Variants in CYP2C19 observed in about 807,000 individuals in gnomAD.
CYP2C19 encodes the protein cytochrome P450 2C19.
In CYP2C19, 59 loss-of-function variants were observed where a neutral mutation model predicts 40.9. That is an observed-to-expected ratio of 1.44 (90% CI 1.17 to 1.79). CYP2C19 has a LOEUF of 1.79. CYP2C19 is among the 40% of genes most tolerant of loss of function. The pLI is 0.00. For synonymous variants in CYP2C19, 253 were observed against 208.7 expected (o/e 1.21, Z -1.83); for missense variants, 754 against 596.9 (o/e 1.26, Z -2.74).
Position 94,781,931 on chromosome 10 carries a change from C to T in CYP2C19, c.753C>T (p.His251=), listed in dbSNP as rs148247410. 3 of 1,509,616 alleles carry T rather than the reference C, an allele frequency of 2.0e-6. No individual in the cohort carries two copies. The highest frequency in any genetic ancestry group is 2.6e-6 in the Non-Finnish European group (3 of 1,140,504). 93.5% of individuals were successfully genotyped at this position (1,509,616 alleles called of 1,614,324 possible). Residue 251 remains histidine, a synonymous_variant, in exon 5 of 9, where the codon CAC becomes CAT. Coordinates refer to ENST00000371321, the MANE Select transcript of CYP2C19 (RefSeq NM_000769.4). ...ESDILEKVKE[H]QESMDINNPR... is the part of the protein sequence containing the mutation. ...ATATTTTGGAGAAAGTAAAAGAACA[C>T]CAAGAATCGATGGACATCAACAACC...
intron 5 of CYP2C19, among the ~76,000 whole-genome samples, chr10:94,786,698 C>T (rs1348320144): frequency 6.6e-6 from 1 of 151,976 alleles, no homozygotes; most frequent in Non-Finnish European, 1.5e-5. Flanking sequence ...ATCTCTCTAC[C>T]ATCTATAGTA....
chr10:94,799,142 G>T (rs1414652294), intron 5 of CYP2C19, among the ~76,000 whole-genome samples: 1 of 151,950 alleles, frequency 6.6e-6, no homozygotes, highest in Non-Finnish European at 1.5e-5. Flanking sequence ...GGCTCGTATG[G>T]TTTGTTCCTT....
chr10:94,774,512 C>T (rs757160135), intron 1 of CYP2C19: 2 of 158,758 alleles, frequency 1.3e-5, no homozygotes, highest in Non-Finnish European at 2.8e-5. Flanking sequence ...CAATCGGGAC[C>T]TCTACATGGG....
intron 3 of CYP2C19, among the ~76,000 whole-genome samples, chr10:94,778,926 T>C (rs1848446365): frequency 6.6e-6 from 1 of 152,148 alleles, no homozygotes; most frequent in Non-Finnish European, 1.5e-5. Context: ...TGGACTACTA[T>C]GCAGCCATTA....
chr10:94,831,924 C>A (rs1432347232), intron 6 of CYP2C19, among the ~76,000 whole-genome samples: 2 of 151,966 alleles, frequency 1.3e-5, no homozygotes, highest in African/African-American at 4.8e-5. Context: ...CCCATTTGTC[C>A]ATGTTTGCTT....
At chr10:94,816,044 A>G (rs946863813) in intron 5 of CYP2C19, among the ~76,000 whole-genome samples, 2 of 152,140 alleles carry the variant, frequency 1.3e-5, no homozygotes, top group Non-Finnish European at 2.9e-5. Context: ...TGTTTTGAGA[A>G]TGAAAGAGGA....
chr10:94,829,522 T>G (rs1400788819), intron 6 of CYP2C19, among the ~76,000 whole-genome samples: 1 of 152,190 alleles, frequency 6.6e-6, no homozygotes, highest in Non-Finnish European at 1.5e-5. Context: ...CTTTAAGCAC[T>G]TCTCTGTATT....
intron 7 of CYP2C19, among the ~76,000 whole-genome samples, chr10:94,845,805 G>C (rs1303804141): frequency 1.3e-5 from 2 of 151,772 alleles, no homozygotes; most frequent in African/African-American, 4.8e-5. Flanking sequence ...CAAAATTGTA[G>C]ACTATTTATA....
At chr10:94,839,233 G>A (rs943722533) in intron 6 of CYP2C19, among the ~76,000 whole-genome samples, 1 of 152,120 alleles carries the variant, frequency 6.6e-6, no homozygotes, top group South Asian at 2.1e-4. Context: ...ACAAAGAAAG[G>A]GGCCCTGGCT....
intron 5 of CYP2C19, 27 bp from the exon 6 acceptor site, chr10:94,820,469 C>G (rs1198452362): frequency 1.2e-6 from 2 of 1,612,380 alleles, no homozygotes; most frequent in Non-Finnish European, 1.7e-6. Context: ...AATAATTTGT[C>G]AGATAATTGC....
chr10:94,848,796 C>T (rs996823015), intron 7 of CYP2C19, among the ~76,000 whole-genome samples: 5 of 152,062 alleles, frequency 3.3e-5, no homozygotes, highest in African/African-American at 1.2e-4. Context: ...CCTTCACGTC[C>T]CTTGTAAGTT....
chr10:94,786,827 T>C (rs1848548609), intron 5 of CYP2C19, among the ~76,000 whole-genome samples: 1 of 152,144 alleles, frequency 6.6e-6, no homozygotes, highest in Non-Finnish European at 1.5e-5. Context: ...TGCATCTATG[T>C]TGCTGCAAAG....
intron 5 of CYP2C19, 86 bp from the exon 6 acceptor site, chr10:94,820,409 AG>A: frequency 6.9e-7 from 1 of 1,448,096 alleles, no homozygotes. Context: ...TATGTTGGTA[AG>A]TATACAATGT....
chr10:94,809,003 C>T (rs76757784), intron 5 of CYP2C19, among the ~76,000 whole-genome samples: 3,126 of 152,190 alleles, frequency 0.021, 110 homozygotes, highest in African/African-American at 0.063. Flanking sequence ...TTATGAGGAA[C>T]CTCCAAATCT....
At chr10:94,790,551 T>G (rs957267491) in intron 5 of CYP2C19, among the ~76,000 whole-genome samples, 1 of 152,214 alleles carries the variant, frequency 6.6e-6, no homozygotes, top group Non-Finnish European at 1.5e-5. Context: ...AGTTTTAGCA[T>G]GAAGAGCTGT....
chr10:94,815,554 A>G (rs1444875099), intron 5 of CYP2C19, among the ~76,000 whole-genome samples: 1 of 152,226 alleles, frequency 6.6e-6, no homozygotes, highest in African/African-American at 2.4e-5. Context: ...TGAGAACTCC[A>G]GTCTCTGAGT....
At chr10:94,832,701 C>T (rs1471797594) in intron 6 of CYP2C19, among the ~76,000 whole-genome samples, 2 of 151,866 alleles carry the variant, frequency 1.3e-5, no homozygotes, top group African/African-American at 4.8e-5. Context: ...AATGTGATTC[C>T]TCCAGTTTTG....
chr10:94,839,157 G>T (rs1849450903), intron 6 of CYP2C19, among the ~76,000 whole-genome samples: 2 of 152,128 alleles, frequency 1.3e-5, no homozygotes, highest in Admixed American at 1.3e-4. Context: ...ATGGACCTCT[G>T]CTTATCGGAT....
chr10:94,789,526 T>G lies in CYP2C19; in HGVS notation c.819+7529T>G, dbSNP rs535984523. On this transcript the variant is annotated intron_variant, in intron 5 of 8. Coordinates refer to ENST00000371321, the MANE Select transcript of CYP2C19 (RefSeq NM_000769.4). Reference sequence around the variant, plus strand: ...CATCTTGAATTAATTTTTGTATAACTTGTAAGAAAGGGATCCAGTTTCAGC... The same window carrying G: ...CATCTTGAATTAATTTTTGTATAACGTGTAAGAAAGGGATCCAGTTTCAGC... 3.1e-3 allele frequency among the ~76,000 whole-genome samples: 474 copies of G among 152,116 alleles called. 3 individuals carry two copies. The highest frequency in any genetic ancestry group is 0.011 in the African/African-American group (451 of 41,532).
Sources: allele counts gnomAD v4.1 joint callset (sites outside exome capture counted in the v4.1 genomes callset), GRCh38; gene constraint gnomAD v4.1.1; transcripts MANE v1.5; gene names NCBI Gene and HGNC (gene_info 2026-07-23, HGNC 2026-07-21).